GAB3: variants seen among roughly 807,000 people sequenced by gnomAD.
GAB3 encodes GRB2 associated binding protein 3.
Under a neutral mutation model 40.4 loss-of-function variants are expected in GAB3, and 12 were observed. That is an observed-to-expected ratio of 0.30 (90% CI 0.19 to 0.48). The LOEUF (loss-of-function observed/expected upper bound fraction) is 0.48, where lower values mean the gene tolerates loss of function less well. GAB3 is among the 20% of genes least tolerant of loss of function. The pLI is 0.99. For missense variants in GAB3, 381 were observed against 461.9 expected (o/e 0.82, Z 1.61); for synonymous variants, 154 against 176.7 (o/e 0.87, Z 1.02).
chrX:154,699,946 T>C (rs2070716194), intron 5 of GAB3, 58 bp downstream of exon 5: 2 of 932,369 alleles, frequency 2.1e-6, no homozygotes, highest in African/African-American at 2.0e-5. Context: ...GGAATATACA[T>C]AGATCAAGCT....
At chrX:154,709,567 C>G (rs1283820826) in intron 4 of GAB3, among the ~76,000 whole-genome samples, 1 of 109,460 alleles carries the variant, frequency 9.1e-6, no homozygotes, top group African/African-American at 3.3e-5. Context: ...ATCTGCCCGC[C>G]CCCGCCTCCC....
intron 1 of GAB3, among the ~76,000 whole-genome samples, chrX:154,730,072 T>C (rs1603427354): frequency 8.9e-6 from 1 of 112,285 alleles, no homozygotes; most frequent in African/African-American, 3.2e-5. Context: ...GAAACAGTCA[T>C]GTGCTAGAGC....
chrX:154,699,570 A>G, intron 5 of GAB3, 57 bp from the exon 6 acceptor site: 1 of 1,013,407 alleles, frequency 9.9e-7, no homozygotes, highest in Non-Finnish European at 1.4e-6. Flanking sequence ...AACTGCTATC[A>G]GAGGGCGGCC....
At chrX:154,693,894 T>A (rs2070610069) in intron 8 of GAB3, among the ~76,000 whole-genome samples, 1 of 112,122 alleles carries the variant, frequency 8.9e-6, no homozygotes, top group Non-Finnish European at 1.9e-5. Flanking sequence ...AATAAAATTA[T>A]GTTTATTCTT....
At position 154,727,451 on chromosome X, in the gene GAB3, C is replaced by A. The variant is rs992989902; in HGVS notation, c.73-11122G>T. 2.1e-4 allele frequency among the ~76,000 whole-genome samples: 24 copies of A among 112,911 alleles called. 1 individual carries two copies. The Admixed American group carries it at 2.2e-3, about 11-fold the overall frequency. ...CAGCACTAGAATGTGAGCTCCCGGA[C>A]AGTAGAGACTTTGTCTGTCTTGATC... On this transcript the variant is annotated intron_variant, in intron 1 of 9. Transcript: ENST00000424127.
intron 1 of GAB3, among the ~76,000 whole-genome samples, chrX:154,740,184 G>A (rs1382178854): frequency 8.9e-6 from 1 of 111,800 alleles, no homozygotes; most frequent in African/African-American, 3.3e-5. Flanking sequence ...ATTTACCACA[G>A]TATTGTTTAC....
In GAB3 at chrX:154,716,021, C is replaced by T; in HGVS notation, c.376+5G>A. Reference sequence around the variant, plus strand: ...AGCACATGGGAGCCCCAACTCCGCTCTTACCTGCACCATCCTCCAGGTGGC... The same window carrying T: ...AGCACATGGGAGCCCCAACTCCGCTTTTACCTGCACCATCCTCCAGGTGGC... On this transcript the variant is annotated splice_donor_5th_base_variant and intron_variant, in intron 2 of 9. Transcript: ENST00000424127. 8.3e-7 allele frequency: 1 copy of T among 1,204,319 alleles called. No homozygotes were observed. The highest frequency in any genetic ancestry group is 1.1e-6 in the Non-Finnish European group (1 of 890,519).
At chrX:154,734,959 A>C (rs1215921902) in intron 1 of GAB3, among the ~76,000 whole-genome samples, 1 of 112,306 alleles carries the variant, frequency 8.9e-6, no homozygotes, top group Non-Finnish European at 1.9e-5. Flanking sequence ...ATAAATGTGT[A>C]TGTAATAAAC....
chrX:154,733,767 C>T (rs933794035), intron 1 of GAB3, among the ~76,000 whole-genome samples: 3 of 111,861 alleles, frequency 2.7e-5, no homozygotes, highest in Admixed American at 9.5e-5. Flanking sequence ...CTCATATCTG[C>T]GTTAAGTGAG....
At chrX:154,688,855 A>G (rs1454502568) in intron 8 of GAB3, among the ~76,000 whole-genome samples, 1 of 111,752 alleles carries the variant, frequency 8.9e-6, no homozygotes, top group Non-Finnish European at 1.9e-5. Flanking sequence ...AGCTGGTACC[A>G]TTCCTTCTGA....
At chrX:154,728,966 TACACATGCAC>T (rs1217962661) in intron 1 of GAB3, among the ~76,000 whole-genome samples, 17 of 111,792 alleles carry the variant, frequency 1.5e-4, no homozygotes, top group Non-Finnish European at 2.8e-4. Context: ...CACACAGAGC[TACACATGCAC>T]ACACATGCAC....
intron 8 of GAB3, among the ~76,000 whole-genome samples, chrX:154,688,027 A>T (rs1318462979): frequency 3.6e-5 from 4 of 112,354 alleles, no homozygotes; most frequent in African/African-American, 6.5e-5. Flanking sequence ...CTTAAAATGG[A>T]TCATAGACCT....
At position 154,675,259 on chromosome X, in the gene GAB3, T is replaced by C. The variant is rs2070280131; in HGVS notation, c.*2919A>G. The C allele has an allele frequency of 8.9e-6, 1 of 112,569 alleles. No homozygotes were observed. Among genetic ancestry groups the C allele is most frequent in the East Asian group, 2.8e-4 (1 of 3,610 alleles). The allele number at this position is 112,569 out of a possible 1,213,427, so 9.3% of individuals were successfully genotyped here. ...GAACTTAAGTCACGATTTCTCCTTA[T>C]AAGACTTTTATTAATGCCAGAAATG... On this transcript the variant is annotated 3_prime_UTR_variant, in exon 10 of 10. Coordinates refer to ENST00000424127, the MANE Select transcript of GAB3 (RefSeq NM_001081573.3).
chrX:154,700,380 G>A (rs782377988), intron 4 of GAB3, among the ~76,000 whole-genome samples: 1 of 111,222 alleles, frequency 9.0e-6, no homozygotes, highest in South Asian at 3.8e-4. Context: ...TCCTTGTAAC[G>A]AGCAGGAGAA....
At chrX:154,707,237 T>C (rs2070825586) in intron 4 of GAB3, among the ~76,000 whole-genome samples, 1 of 111,869 alleles carries the variant, frequency 8.9e-6, no homozygotes. Context: ...AGGATAGGTA[T>C]CATGATAAAG....
intron 8 of GAB3, among the ~76,000 whole-genome samples, chrX:154,693,392 A>G (rs1557249869): frequency 8.9e-6 from 1 of 112,520 alleles, no homozygotes. Flanking sequence ...TGACACATCC[A>G]TATGCTTGAA....
At chrX:154,714,546 A>C (rs2071015471) in intron 2 of GAB3, among the ~76,000 whole-genome samples, 1 of 111,855 alleles carries the variant, frequency 8.9e-6, no homozygotes, top group Non-Finnish European at 1.9e-5. Context: ...CCCTGCTCTT[A>C]TGTGGTTCTA....
intron 1 of GAB3, among the ~76,000 whole-genome samples, chrX:154,741,675 C>CAAAAA (rs1206111123): frequency 3.8e-5 from 1 of 26,515 alleles, no homozygotes. Context: ...GACTCCATCT[C>CAAAAA]AAAAAAAAAA....
chrX:154,689,484 T>G (rs1557248766), intron 8 of GAB3, among the ~76,000 whole-genome samples: 2 of 110,690 alleles, frequency 1.8e-5, no homozygotes, highest in East Asian at 2.8e-4. Context: ...TTGTCCCTGT[T>G]TGCAGACGAC....
Sources: allele counts gnomAD v4.1 joint callset (sites outside exome capture counted in the v4.1 genomes callset), GRCh38; gene constraint gnomAD v4.1.1; transcripts MANE v1.5; gene names NCBI Gene and HGNC (gene_info 2026-07-23, HGNC 2026-07-21).